The following ADCY9 variants were observed in gnomAD, a reference collection of about 807,000 sequenced individuals.
ADCY9 encodes adenylate cyclase type 9.
ADCY9 carries 50 observed loss-of-function variants against 101.5 expected under a neutral mutation model. The ratio of observed to expected loss-of-function variants is 0.49; its 90% CI spans 0.39 to 0.62. The LOEUF is 0.62. Among genes scored for constraint, ADCY9 ranks in the 20% least tolerant of loss-of-function variants. The pLI, the probability that ADCY9 is intolerant of heterozygous loss-of-function variation, is 0.00. For synonymous variants in ADCY9, 905 were observed against 769.3 expected (o/e 1.18, Z -2.92); for missense variants, 1,662 against 1,800.4 (o/e 0.92, Z 1.39).
chr16:4,048,619 G>A (rs1413813646), intron 2 of ADCY9, among the ~76,000 whole-genome samples: 1 of 152,070 alleles, frequency 6.6e-6, no homozygotes, highest in African/African-American at 2.4e-5. Context: ...TAGGCCCCTC[G>A]GTGCACCTGG....
chr16:4,011,582 A>AG (rs1377553745), intron 2 of ADCY9, among the ~76,000 whole-genome samples: 4 of 152,208 alleles, frequency 2.6e-5, no homozygotes, highest in African/African-American at 9.6e-5. Flanking sequence ...GTGATGGGCG[A>AG]GGGCCTGGCT....
At chr16:4,044,085 G>A (rs1310416014) in intron 2 of ADCY9, among the ~76,000 whole-genome samples, 1 of 152,094 alleles carries the variant, frequency 6.6e-6, no homozygotes, top group Admixed American at 6.5e-5. Context: ...GGTGGCTCAT[G>A]CCTGTAATCC....
At chr16:4,084,063 CTGGG>C in intron 2 of ADCY9, among the ~76,000 whole-genome samples, 1 of 151,880 alleles carries the variant, frequency 6.6e-6, no homozygotes, top group African/African-American at 2.4e-5. Context: ...GTCACCCAGG[CTGGG>C]TGACAGGTGA....
chr16:4,097,491 C>CAT (rs1567146888), intron 2 of ADCY9, among the ~76,000 whole-genome samples: 1 of 81,194 alleles, frequency 1.2e-5, no homozygotes, highest in South Asian at 3.9e-4. Context: ...TATATATACA[C>CAT]ACACACACAC....
At chr16:3,997,699 G>C (rs12920521) in intron 3 of ADCY9, among the ~76,000 whole-genome samples, 4 of 152,166 alleles carry the variant, frequency 2.6e-5, no homozygotes, top group African/African-American at 4.8e-5. Context: ...TATGGGAGGT[G>C]GGGGGAGAGC....
At chr16:3,979,327 C>A (rs766146502) in intron 7 of ADCY9, 52 bp from the exon 8 acceptor site, 4 of 1,599,538 alleles carry the variant, frequency 2.5e-6, no homozygotes, top group Non-Finnish European at 3.4e-6. Context: ...GGTGGGTCAT[C>A]GGCCAGGAGA....
chr16:4,010,616 T>A (rs1020928637), intron 2 of ADCY9, among the ~76,000 whole-genome samples: 1 of 152,172 alleles, frequency 6.6e-6, no homozygotes, highest in African/African-American at 2.4e-5. Flanking sequence ...TGGAGCCCAT[T>A]ACCTGAAGAG....
chr16:3,993,288 G>A (rs2056260662), intron 4 of ADCY9, 118 bp downstream of exon 4: 1 of 1,501,782 alleles, frequency 6.7e-7, no homozygotes, highest in African/African-American at 1.4e-5. Flanking sequence ...CGGGTGCGGA[G>A]TGCTGTTACC....
chr16:4,019,358 G>T (rs961681992), intron 2 of ADCY9, among the ~76,000 whole-genome samples: 1 of 152,098 alleles, frequency 6.6e-6, no homozygotes. Context: ...GCCACCCAGG[G>T]ATGTCCCAGG....
At chr16:4,009,908 C>G (rs2056392278) in intron 2 of ADCY9, among the ~76,000 whole-genome samples, 2 of 152,194 alleles carry the variant, frequency 1.3e-5, no homozygotes, top group South Asian at 4.1e-4. Flanking sequence ...GGGTCTCCTT[C>G]CCATGACTCC....
intron 3 of ADCY9, among the ~76,000 whole-genome samples, chr16:4,005,820 G>C (rs1317643279): frequency 6.6e-6 from 1 of 152,170 alleles, no homozygotes; most frequent in Non-Finnish European, 1.5e-5. Flanking sequence ...GCTCGGGGCT[G>C]TCTTTCACGA....
intron 10 of ADCY9, among the ~76,000 whole-genome samples, chr16:3,971,130 A>G (rs1597135208): frequency 6.6e-6 from 1 of 151,924 alleles, no homozygotes; most frequent in African/African-American, 2.4e-5. Flanking sequence ...CAGAGGCGGG[A>G]GACCTGAACA....
intron 2 of ADCY9, among the ~76,000 whole-genome samples, chr16:4,060,222 A>G (rs2056766532): frequency 6.6e-6 from 1 of 152,252 alleles, no homozygotes; most frequent in Non-Finnish European, 1.5e-5. Flanking sequence ...TCAGGAGACC[A>G]GCCAAAAACC....
chr16:4,051,255 GTGGCTCTCACCTGTAA>G (rs2141149230), intron 2 of ADCY9, among the ~76,000 whole-genome samples: 1 of 152,066 alleles, frequency 6.6e-6, no homozygotes, highest in East Asian at 1.9e-4. Flanking sequence ...GCCAGGCATG[GTGGCTCTCACCTGTAA>G]TCCCAACACT....
chr16:3,993,655 T>C (rs1597151801), intron 3 of ADCY9, 145 bp from the exon 4 acceptor site: 21 of 1,030,074 alleles, frequency 2.0e-5, no homozygotes, highest in Non-Finnish European at 2.5e-5. Context: ...GGGGATGAGC[T>C]GAAAGCCAAC....
chr16:4,047,155 A>G (rs773851002), intron 2 of ADCY9, among the ~76,000 whole-genome samples: 1 of 152,228 alleles, frequency 6.6e-6, no homozygotes, highest in Non-Finnish European at 1.5e-5. Context: ...ATAACCATCT[A>G]AACTACAAAG....
At chr16:4,087,370 A>G (rs2056945538) in intron 2 of ADCY9, among the ~76,000 whole-genome samples, 1 of 151,756 alleles carries the variant, frequency 6.6e-6, no homozygotes, top group Non-Finnish European at 1.5e-5. Flanking sequence ...CCCTGTCTCT[A>G]TTAAAAATAC....
intron 2 of ADCY9, among the ~76,000 whole-genome samples, chr16:4,080,443 A>G (rs2532010): frequency 0.55 from 83,262 of 151,690 alleles, 23,075 homozygotes; most frequent in East Asian, 0.59. Context: ...TTTTGATAGA[A>G]ATGGGGTTTT....
chr16:4,053,129 C>T (rs1031076418), intron 2 of ADCY9, among the ~76,000 whole-genome samples: 1 of 150,330 alleles, frequency 6.7e-6, no homozygotes, highest in Non-Finnish European at 1.5e-5. Context: ...AGATGTGGGA[C>T]GAACGTGATT....
Sources: allele counts gnomAD v4.1 joint callset (sites outside exome capture counted in the v4.1 genomes callset), GRCh38; gene constraint gnomAD v4.1.1; transcripts MANE v1.5; gene names NCBI Gene and HGNC (gene_info 2026-07-23, HGNC 2026-07-21).